Variants in PCDHGA3 observed in about 807,000 individuals in gnomAD.
PCDHGA3 encodes protocadherin gamma-A3.
A neutral mutation model predicts 58.5 loss-of-function variants in PCDHGA3; 40 were observed. The ratio of observed to expected loss-of-function variants is 0.68; its 90% CI spans 0.53 to 0.89. PCDHGA3 has a LOEUF of 0.89. Among genes scored for constraint, PCDHGA3 ranks in the 40% least tolerant of loss-of-function variants. PCDHGA3 has a pLI of 0.00. For synonymous variants in PCDHGA3, 530 were observed against 525.7 expected (o/e 1.01, Z -0.11); for missense variants, 1,223 against 1,195.9 (o/e 1.02, Z -0.33).
chr5:141,419,777 C>T (rs976849391), intron 1 of PCDHGA3: 3 of 1,614,054 alleles, frequency 1.9e-6, no homozygotes, highest in Admixed American at 3.3e-5. Flanking sequence ...CTCGGTCCGC[C>T]AGCGCCTGCT....
chr5:141,416,053 A>T (rs2095987443), intron 1 of PCDHGA3: 1 of 181,266 alleles, frequency 5.5e-6, no homozygotes, highest in South Asian at 1.8e-4. Flanking sequence ...CACAACCCAA[A>T]TCCAAGAATA....
In PCDHGA3 at chr5:141,371,907, G is replaced by T. The variant is rs776309698; in HGVS notation, c.2424+25450G>T. 9.3e-6 allele frequency: 15 copies of T among 1,613,262 alleles called. No individual in the cohort carries two copies. The highest frequency in any genetic ancestry group is 1.2e-5 in the Non-Finnish European group (14 of 1,179,916). On this transcript the variant is annotated intron_variant, in intron 1 of 3. Coordinates refer to ENST00000253812, the MANE Select transcript of PCDHGA3 (RefSeq NM_018916.4). ...GGAGCCGCGGGAGCTGTCGTCCTAC[G>T]TGTCCGTGAGCGCGCGGAGCGGGGT... is the stretch of plus-strand genomic sequence containing the variant.
intron 1 of PCDHGA3, chr5:141,364,424 C>A (rs1029173533): frequency 5.0e-6 from 8 of 1,613,572 alleles, no homozygotes; most frequent in South Asian, 1.1e-5. Context: ...CGGGCAGATC[C>A]GCTACTCGAT....
At chr5:141,451,712 C>G (rs769620335) in intron 1 of PCDHGA3, among the ~76,000 whole-genome samples, 2 of 151,994 alleles carry the variant, frequency 1.3e-5, no homozygotes, top group African/African-American at 4.8e-5. Context: ...CAAAACCCTG[C>G]CTCTACTAAA....
chr5:141,451,037 C>T (rs1293972996), intron 1 of PCDHGA3, among the ~76,000 whole-genome samples: 1 of 151,594 alleles, frequency 6.6e-6, no homozygotes, highest in Middle Eastern at 3.2e-3. Context: ...ACCATATTGG[C>T]CAGGCTGGTC....
In PCDHGA3 at chr5:141,489,071, CA is replaced by C; in HGVS notation, c.2425-5735del. 3.1e-6 allele frequency: 1 copy of C among 326,700 alleles called. No homozygotes were observed. Among genetic ancestry groups the C allele is most frequent in the East Asian group, 5.9e-5 (1 of 17,012 alleles). 20.2% of individuals were successfully genotyped at this position (326,700 alleles called of 1,614,324 possible). A position where few individuals can be genotyped will look rare whatever the true frequency, so the allele number is the denominator to read the frequency against. On this transcript the variant is annotated intron_variant, in intron 1 of 3. Transcript: ENST00000253812. This position sits in a 1 kb window ranked among gnomAD's most constrained non-coding sequence, Gnocchi z 4.5. Reference sequence around the variant, plus strand: ...AAATTCAGCTCCCCTCCCCCCTGCCCACCCCCGCCACTCGGTGACTAAGAAC... The same window carrying C: ...AAATTCAGCTCCCCTCCCCCCTGCCCCCCCCGCCACTCGGTGACTAAGAAC...
chr5:141,485,995 T>G lies in PCDHGA3; in HGVS notation c.2425-8812T>G. 1 of 1,614,176 alleles carries G rather than the reference T, an allele frequency of 6.2e-7. No individual in the cohort carries two copies. On this transcript the variant is annotated intron_variant, in intron 1 of 3. Transcript: ENST00000253812. The surrounding 1 kb of genome is among the most constrained non-coding windows in gnomAD (Gnocchi z 5.7). ...CCTCAGACCCGGACCTGGGTCCCAG[T>G]GGTAACGTCACCTTTTATTTCAGTG...
intron 1 of PCDHGA3, chr5:141,364,723 G>T: frequency 6.2e-7 from 1 of 1,613,938 alleles, no homozygotes; most frequent in Non-Finnish European, 8.5e-7. Flanking sequence ...ATAACTTCCC[G>T]CGTTTCCGGG....
Position 141,489,409 on chromosome 5 carries a change from A to T in PCDHGA3, c.2425-5398A>T. On this transcript the variant is annotated intron_variant, in intron 1 of 3. Transcript: ENST00000253812. The surrounding 1 kb of genome is among the most constrained non-coding windows in gnomAD (Gnocchi z 4.5). ...TGCTCAGGATCTGGGCTTAAAGATG[A>T]CAGATCTGTTGAGCCGGCGGCTGCA... 1.9e-6 allele frequency: 3 copies of T among 1,614,114 alleles called. No homozygotes were observed. The highest frequency in any genetic ancestry group is 2.5e-6 in the Non-Finnish European group (3 of 1,180,004).
chr5:141,349,385 A>G (rs796243160), intron 1 of PCDHGA3, among the ~76,000 whole-genome samples: 1 of 152,262 alleles, frequency 6.6e-6, no homozygotes, highest in African/African-American at 2.4e-5. Context: ...ATATACATTC[A>G]TATAAAAAAG....
intron 1 of PCDHGA3, chr5:141,400,049 C>G (rs1242848324): frequency 6.2e-7 from 1 of 1,613,572 alleles, no homozygotes; most frequent in Non-Finnish European, 8.5e-7. Context: ...CTGCTGGTTG[C>G]TGTGCGTGAT....
chr5:141,385,709 A>C, intron 1 of PCDHGA3: 1 of 259,262 alleles, frequency 3.9e-6, no homozygotes, highest in Non-Finnish European at 6.2e-6. Context: ...TAGCATTCAA[A>C]TATGTAAAAG....
intron 1 of PCDHGA3, chr5:141,350,748 C>A: frequency 6.2e-7 from 1 of 1,613,956 alleles, no homozygotes; most frequent in South Asian, 1.1e-5. Context: ...GAAGGCAATT[C>A]ACTGAAGTTA....
intron 1 of PCDHGA3, chr5:141,441,114 T>A (rs1239606502): frequency 6.6e-6 from 1 of 152,218 alleles, no homozygotes; most frequent in Non-Finnish European, 1.5e-5. Context: ...TTGTCCAGTG[T>A]ACAGTTGAGA....
Position 141,344,080 on chromosome 5 carries a change from T to C in PCDHGA3, c.47T>C (p.Leu16Pro). 1 of 1,610,900 alleles carries C rather than the reference T, an allele frequency of 6.2e-7. No individual in the cohort carries two copies. The highest frequency in any genetic ancestry group is 8.5e-7 in the Non-Finnish European group (1 of 1,177,926). ...CGAAATGGCAGAGGACTGGCCCTGC[T>C]GTGCGCGCTCCTGGGGACGCTGTGC... Reference protein sequence around the residue: ...SFRNGRGLALLCALLGTLCET... With the variant: ...SFRNGRGLALPCALLGTLCET... The change falls in exon 1 of 4, where the codon CTG (leucine) becomes CCG (proline). Residue 16 changes from leucine (L) to proline (P), a missense_variant. Around this residue, in one of 3 missense-constraint regions of PCDHGA3, gnomAD observed 791 missense variants for 708.5 expected, o/e 1.12. Transcript: ENST00000253812.
intron 1 of PCDHGA3, chr5:141,413,772 A>G: frequency 1.9e-6 from 3 of 1,613,226 alleles, no homozygotes; most frequent in Non-Finnish European, 2.5e-6. Context: ...CGGAGCTGGT[A>G]CTGGAGCACT....
At chr5:141,470,252 C>T (rs1010559144) in intron 1 of PCDHGA3, among the ~76,000 whole-genome samples, 3 of 152,160 alleles carry the variant, frequency 2.0e-5, no homozygotes, top group Admixed American at 1.3e-4. Context: ...TCCCACCTGT[C>T]TAAATGGAGA....
At chr5:141,483,323 G>A (rs2099579999) in intron 1 of PCDHGA3, among the ~76,000 whole-genome samples, 1 of 152,104 alleles carries the variant, frequency 6.6e-6, no homozygotes, top group Non-Finnish European at 1.5e-5. Flanking sequence ...GGGACTGGAG[G>A]CAAAGAGATC....
chr5:141,398,980 G>A (rs772840804), intron 1 of PCDHGA3: 3 of 1,613,860 alleles, frequency 1.9e-6, no homozygotes, highest in South Asian at 2.2e-5. Flanking sequence ...CTACAGAACC[G>A]GGCAAATCTT....
Sources: gnomAD v4.1 joint callset for allele counts (sites outside exome capture counted in the v4.1 genomes callset) on GRCh38, gnomAD v4.1.1 for gene constraint, gnomAD v4.1.1 regional missense constraint, Gnocchi (gnomAD v3.1) non-coding constraint, MANE v1.5 for transcripts, NCBI Gene and HGNC (gene_info 2026-07-23, HGNC 2026-07-21) for gene names.